Variants in LECT2 observed in about 807,000 individuals in gnomAD.
LECT2 encodes leukocyte cell-derived chemotaxin-2.
LECT2 carries 11 observed loss-of-function variants against 16.6 expected under a neutral mutation model. The observed-to-expected ratio is 0.66, with a 90% CI of 0.42 to 1.09. LECT2 has a LOEUF of 1.09. Ranked by LOEUF, LECT2 falls within the 50% of genes least tolerant of loss-of-function variation. The pLI is 0.00. For missense variants in LECT2, 173 were observed against 184.2 expected (o/e 0.94, Z 0.35); for synonymous variants, 54 against 64.8 (o/e 0.83, Z 0.80).
intron 1 of LECT2, chr5:135,953,217 T>G: frequency 2.5e-6 from 1 of 401,752 alleles, no homozygotes; most frequent in Non-Finnish European, 4.5e-6. Flanking sequence ...TTTTTTTTTT[T>G]TTTGGATCGG....
At position 135,952,962 on chromosome 5, in the gene LECT2, C is replaced by T; in HGVS notation, c.52G>A (p.Ala18Thr). The T allele has an allele frequency of 1.2e-6, 2 of 1,612,606 alleles. No individual in the cohort carries two copies. The highest frequency in any genetic ancestry group is 1.7e-6 in the Non-Finnish European group (2 of 1,178,596). Residue 18 changes from alanine (A) to threonine (T), a missense_variant, in exon 2 of 4, where the codon GCA (alanine) becomes ACA (threonine). Physicochemically the swap from Ala to Thr is moderately conservative, Grantham distance 58 (BLOSUM62 0). Coordinates refer to ENST00000274507, the MANE Select transcript of LECT2 (RefSeq NM_002302.3). ...LLAGLISTAL[A>T]GPWANICAGK... ...GCACATATATTAGCCCATGGCCCTG[C>T]CAGTGCTAAAAAGGAGAAAAGTGAG...
intron 2 of LECT2, chr5:135,951,595 CT>C: frequency 4.3e-6 from 2 of 468,934 alleles, no homozygotes; most frequent in Non-Finnish European, 7.5e-6. Flanking sequence ...TAAAATGGTA[CT>C]TGGTACATAA....
At chr5:135,950,789 G>A (rs1763781423) in intron 3 of LECT2, 1 of 193,338 alleles carries the variant, frequency 5.2e-6, no homozygotes, top group African/African-American at 2.3e-5. Flanking sequence ...TTTATAGATT[G>A]TTAAGCAAAA....
chr5:135,947,353 C>T lies in LECT2; in HGVS notation c.434G>A (p.Ser145Asn), dbSNP rs754196634. ...GATTTACAGGTATGCAGTAGGGTCA[C>T]TCGAGTCACAGTTTTCAATGTGCAC... Reference protein sequence around the residue: ...SHVHIENCDSSDPTAYL With the variant: ...SHVHIENCDSNDPTAYL The change falls in exon 4 of 4, where the codon AGT becomes AAT. Residue 145 changes from serine (S) to asparagine (N), a missense_variant. Coordinates refer to ENST00000274507, the MANE Select transcript of LECT2 (RefSeq NM_002302.3). 3 of 1,613,908 alleles carry T rather than the reference C, an allele frequency of 1.9e-6. No individual in the cohort carries two copies. Among genetic ancestry groups the T allele is most frequent in the Non-Finnish European group, 2.5e-6 (3 of 1,179,844 alleles).
intron 3 of LECT2, among the ~76,000 whole-genome samples, chr5:135,950,469 T>C (rs945498231): frequency 6.6e-6 from 1 of 152,170 alleles, no homozygotes. Flanking sequence ...AAGGGATCTC[T>C]GGGATGTGGG....
Position 135,947,026 on chromosome 5 carries a change from A to G in LECT2, c.*305T>C, listed in dbSNP as rs2516561. ...CCCGAAGCAACCAGTTCACATGAAC[A>G]TCAGAGTGACAATGAGTTAAAATCA... On this transcript the variant is annotated 3_prime_UTR_variant, in exon 4 of 4. Coordinates refer to ENST00000274507, the MANE Select transcript of LECT2 (RefSeq NM_002302.3). 0.25 allele frequency: 45,958 copies of G among 184,536 alleles called. 5,906 individuals are homozygous for G. The highest frequency in any genetic ancestry group is 0.31 in the South Asian group (1,854 of 6,018). The allele number at this position is 184,536 out of a possible 1,614,324, so 11.4% of individuals were successfully genotyped here. A position where few individuals can be genotyped will look rare whatever the true frequency, so the allele number is the denominator to read the frequency against.
At chr5:135,949,676 T>C (rs1052248700) in intron 3 of LECT2, among the ~76,000 whole-genome samples, 4 of 152,216 alleles carry the variant, frequency 2.6e-5, no homozygotes, top group Non-Finnish European at 4.4e-5. Context: ...GCAGGACCCT[T>C]ACGCAAAAGG....
chr5:135,954,381 C>T (rs541382678), intron 1 of LECT2, among the ~76,000 whole-genome samples: 7 of 152,282 alleles, frequency 4.6e-5, no homozygotes, highest in African/African-American at 1.4e-4. Context: ...TTTCCTCCTT[C>T]GGTGAGTATT....
chr5:135,952,910 G>A lies in LECT2; in HGVS notation c.104C>T (p.Thr35Met), dbSNP rs1473351443. The A allele has an allele frequency of 3.7e-6, 6 of 1,613,946 alleles. No homozygotes were observed. Among genetic ancestry groups the A allele is most frequent in the Non-Finnish European group, 5.1e-6 (6 of 1,179,922 alleles). The change falls in exon 2 of 4, where the codon ACG (threonine) becomes ATG (methionine). Residue 35 changes from threonine (T) to methionine (M), a missense_variant. Transcript: ENST00000274507. ...CTGTCCACAGCCATGGCGGTCACAC[G>A]TCCGGATCTCATTGGAAGACTTGCC... ...CAGKSSNEIR[T>M]CDRHGCGQYS...
chr5:135,954,772 T>A lies in LECT2; in HGVS notation c.46+16A>T. 1 of 1,599,042 alleles carries A rather than the reference T, an allele frequency of 6.3e-7. No individual in the cohort carries two copies. The highest frequency in any genetic ancestry group is 8.6e-7 in the Non-Finnish European group (1 of 1,166,468). On this transcript the variant is annotated intron_variant, in intron 1 of 3. Transcript: ENST00000274507. ...TAAAAGTTAATCAATATTCTAAAAT[T>A]GCACTTTCGACTTACCGGTAGAAAT... is the stretch of plus-strand genomic sequence containing the variant.
chr5:135,948,837 G>T (rs1386823469), intron 3 of LECT2, among the ~76,000 whole-genome samples: 1 of 151,830 alleles, frequency 6.6e-6, no homozygotes, highest in African/African-American at 2.4e-5. Context: ...ACCACATCTG[G>T]CTAATTTTTT....
Position 135,947,280 on chromosome 5 carries a change from A to G in LECT2, c.*51T>C. ...TTCTTGAAGAGAAGGGTATGCATCC[A>G]GGTTTTTAAGATGACTTTTTATTTT... On this transcript the variant is annotated 3_prime_UTR_variant, in exon 4 of 4. Transcript: ENST00000274507. The G allele has an allele frequency of 1.9e-6, 3 of 1,562,820 alleles. No individual in the cohort carries two copies. Among genetic ancestry groups the G allele is most frequent in the East Asian group, 2.2e-5 (1 of 44,506 alleles).
At position 135,947,833 on chromosome 5, in the gene LECT2, G is replaced by A. The variant is rs148500659; in HGVS notation, c.290-336C>T. Among the ~76,000 whole-genome samples, 110 of 152,140 alleles carry A rather than the reference G, an allele frequency of 7.2e-4. 3 individuals are homozygous for A. The highest frequency in any genetic ancestry group is 2.6e-3 in the African/African-American group (106 of 41,500). On this transcript the variant is annotated intron_variant, in intron 3 of 3. Coordinates refer to ENST00000274507, the MANE Select transcript of LECT2 (RefSeq NM_002302.3). Reference sequence around the variant, plus strand: ...AGATAAAGAAAAATAGAAATAACTGGAACAAAAATACAAACTTTGCTAAAT... The same window carrying A: ...AGATAAAGAAAAATAGAAATAACTGAAACAAAAATACAAACTTTGCTAAAT...
chr5:135,953,697 G>C (rs1161252782), intron 1 of LECT2, among the ~76,000 whole-genome samples: 1 of 152,142 alleles, frequency 6.6e-6, no homozygotes, highest in East Asian at 1.9e-4. Context: ...GAAATGGTTA[G>C]TTCCACTAAT....
chr5:135,954,874 G>GC lies in LECT2; in HGVS notation c.-42dup, dbSNP rs1380858875. On this transcript the variant is annotated 5_prime_UTR_variant, in exon 1 of 4. Coordinates refer to ENST00000274507, the MANE Select transcript of LECT2 (RefSeq NM_002302.3). ...TTAGTTTCTTCCTCTGATTAGAGTT[G>GC]CCCCCACACTCTCTTTGAAGAATAT... is the stretch of plus-strand genomic sequence containing the variant. 2 of 1,401,590 alleles carry GC rather than the reference G, an allele frequency of 1.4e-6. No individual in the cohort carries two copies. Among genetic ancestry groups the GC allele is most frequent in the Non-Finnish European group, 2.0e-6 (2 of 987,424 alleles). 86.8% of individuals were successfully genotyped at this position (1,401,590 alleles called of 1,614,324 possible).
chr5:135,954,075 A>T (rs1352897411), intron 1 of LECT2, among the ~76,000 whole-genome samples: 1 of 152,240 alleles, frequency 6.6e-6, no homozygotes, highest in African/African-American at 2.4e-5. Flanking sequence ...GAGCACACTC[A>T]ACCTTGCACT....
intron 1 of LECT2, among the ~76,000 whole-genome samples, chr5:135,953,634 C>A (rs982825126): frequency 6.6e-6 from 1 of 151,986 alleles, no homozygotes; most frequent in Admixed American, 6.6e-5. Flanking sequence ...TTAGATTAAG[C>A]AAAAATAATA....
At chr5:135,948,841 ATT>A (rs1278012064) in intron 3 of LECT2, among the ~76,000 whole-genome samples, 1 of 151,758 alleles carries the variant, frequency 6.6e-6, no homozygotes, top group East Asian at 1.9e-4. Context: ...CATCTGGCTA[ATT>A]TTTTGTATTT....
intron 3 of LECT2, among the ~76,000 whole-genome samples, chr5:135,950,066 G>A (rs1409340944): frequency 6.6e-6 from 1 of 152,126 alleles, no homozygotes; most frequent in Non-Finnish European, 1.5e-5. Context: ...ATGTGGGTTC[G>A]CTCAAAAGAT....
Sources: gnomAD v4.1 joint callset for allele counts (sites outside exome capture counted in the v4.1 genomes callset) on GRCh38, gnomAD v4.1.1 for gene constraint, MANE v1.5 for transcripts, NCBI Gene and HGNC (gene_info 2026-07-23, HGNC 2026-07-21) for gene names.